C1GALT1: variants seen among roughly 807,000 people sequenced by gnomAD.
The protein encoded by C1GALT1 is glycoprotein-N-acetylgalactosamine 3-beta-galactosyltransferase 1.
Under a neutral mutation model 31.0 loss-of-function variants are expected in C1GALT1, and 11 were observed. That is an observed-to-expected ratio of 0.36 (90% CI 0.22 to 0.59). The LOEUF is 0.59. Among genes scored for constraint, C1GALT1 ranks in the 20% least tolerant of loss-of-function variants. The pLI is 0.79. For synonymous variants in C1GALT1, 175 were observed against 143.6 expected (o/e 1.22, Z -1.56); for missense variants, 424 against 425.2 (o/e 1.00, Z 0.03).
intron 1 of C1GALT1, among the ~76,000 whole-genome samples, chr7:7,190,921 C>A (rs573506216): frequency 6.6e-6 from 1 of 151,940 alleles, no homozygotes; most frequent in Non-Finnish European, 1.5e-5. Context: ...CAGGTTAATT[C>A]GGAGGAAATC....
chr7:7,168,309 A>C (rs1193449243), intron 2 of C1GALT1, among the ~76,000 whole-genome samples: 1 of 152,216 alleles, frequency 6.6e-6, no homozygotes, highest in East Asian at 1.9e-4. Context: ...AGGAGACAAC[A>C]CTTCAGAAGC....
chr7:7,160,719 G>A (rs1174796596), intron 2 of C1GALT1, among the ~76,000 whole-genome samples: 7 of 152,042 alleles, frequency 4.6e-5, no homozygotes, highest in Admixed American at 6.6e-5. Context: ...AATAGAGGGC[G>A]TGTGTCGAAG....
intron 3 of C1GALT1, among the ~76,000 whole-genome samples, chr7:7,239,883 A>G (rs1022438524): frequency 1.3e-5 from 2 of 152,182 alleles, no homozygotes; most frequent in African/African-American, 4.8e-5. Flanking sequence ...AGATTTATCA[A>G]TGTTAATTAC....
chr7:7,180,519 T>G (rs1420699368), upstream of C1GALT1, among the ~76,000 whole-genome samples: 1 of 151,686 alleles, frequency 6.6e-6, no homozygotes, highest in African/African-American at 2.4e-5. Context: ...TGACTGTTGT[T>G]CACTGTGCAG....
At chr7:7,201,306 G>T (rs930449326) in intron 1 of C1GALT1, among the ~76,000 whole-genome samples, 5 of 152,218 alleles carry the variant, frequency 3.3e-5, no homozygotes, top group Non-Finnish European at 5.9e-5. Flanking sequence ...ACCAGCGGAG[G>T]CTGCAGAACA....
chr7:7,175,768 C>G (rs919367108), intron 2 of C1GALT1, among the ~76,000 whole-genome samples: 1 of 152,002 alleles, frequency 6.6e-6, no homozygotes, highest in Non-Finnish European at 1.5e-5. Flanking sequence ...CTAGCAAGTC[C>G]AAGATCCACA....
intron 2 of C1GALT1, among the ~76,000 whole-genome samples, chr7:7,175,435 C>A (rs1442816770): frequency 6.6e-6 from 1 of 152,226 alleles, no homozygotes; most frequent in Admixed American, 6.5e-5. Flanking sequence ...TGGGCATGTG[C>A]ATGGCTTTCT....
rs765446136 is a variant in C1GALT1, at chr7:7,238,974, G to A, written c.888+52G>A. ...TCAATACTTGGACTGACTGAATTTT[G>A]TTGATAAAAACATGTTAATATGTGT... is the stretch of plus-strand genomic sequence containing the variant. On this transcript the variant is annotated intron_variant, in intron 3 of 3. Transcript: ENST00000436587. The surrounding 1 kb of genome is among the most constrained non-coding windows in gnomAD (Gnocchi z 5.2). 27 of 1,432,296 alleles carry A rather than the reference G, an allele frequency of 1.9e-5. No individual in the cohort carries two copies. In the East Asian group the frequency reaches 3.7e-4, roughly 19 times the overall value. The allele number at this position is 1,432,296 out of a possible 1,614,324, so 88.7% of individuals were successfully genotyped here.
At chr7:7,226,687 TA>T (rs552808649) in intron 1 of C1GALT1, among the ~76,000 whole-genome samples, 2 of 151,880 alleles carry the variant, frequency 1.3e-5, no homozygotes, top group African/African-American at 2.4e-5. Flanking sequence ...TTAGCGCCAT[TA>T]AAAAAAACTG....
intron 1 of C1GALT1, among the ~76,000 whole-genome samples, chr7:7,226,433 C>G (rs753289878): frequency 6.6e-6 from 1 of 151,908 alleles, no homozygotes; most frequent in Non-Finnish European, 1.5e-5. Flanking sequence ...TCCCGAAAGC[C>G]TGAAAGGAAG....
At chr7:7,218,708 A>G (rs6960962) in intron 1 of C1GALT1, among the ~76,000 whole-genome samples, 45,070 of 152,078 alleles carry the variant, frequency 0.3, 7,488 homozygotes, top group African/African-American at 0.45. Flanking sequence ...GCTAGTGACT[A>G]TATCTTTGGC....
intron 1 of C1GALT1, among the ~76,000 whole-genome samples, chr7:7,227,965 A>C (rs924254016): frequency 3.3e-5 from 5 of 152,214 alleles, no homozygotes; most frequent in Non-Finnish European, 7.3e-5. Flanking sequence ...ATACCAGAAA[A>C]TGGACTAAGA....
intron 1 of C1GALT1, among the ~76,000 whole-genome samples, chr7:7,230,748 C>T (rs1393279778): frequency 6.9e-6 from 1 of 144,642 alleles, no homozygotes; most frequent in African/African-American, 2.5e-5. Flanking sequence ...CATCCTTGGT[C>T]TTTTAAAGGC....
At chr7:7,196,688 A>G (rs1391591983) in intron 1 of C1GALT1, among the ~76,000 whole-genome samples, 1 of 152,182 alleles carries the variant, frequency 6.6e-6, no homozygotes, top group East Asian at 1.9e-4. Flanking sequence ...CAACAGTGTA[A>G]AAGCGTTCCT....
chr7:7,228,579 T>C (rs1047481274), intron 1 of C1GALT1, among the ~76,000 whole-genome samples: 1 of 151,890 alleles, frequency 6.6e-6, no homozygotes, highest in Non-Finnish European at 1.5e-5. Flanking sequence ...TCTACCCCCA[T>C]GAGATGGCTA....
At chr7:7,170,183 T>C (rs1458694441) in intron 2 of C1GALT1, among the ~76,000 whole-genome samples, 2 of 152,230 alleles carry the variant, frequency 1.3e-5, no homozygotes, top group African/African-American at 4.8e-5. Flanking sequence ...CTTTTTTCTT[T>C]TGTCAGTTTA....
At chr7:7,183,178 C>G (rs1029440113) in intron 1 of C1GALT1, among the ~76,000 whole-genome samples, 1 of 152,084 alleles carries the variant, frequency 6.6e-6, no homozygotes, top group East Asian at 2.0e-4. Context: ...GCGCCCGGAC[C>G]GGACCACTTA....
chr7:7,236,062 T>TC (rs1351293932), intron 2 of C1GALT1, among the ~76,000 whole-genome samples: 5 of 152,238 alleles, frequency 3.3e-5, no homozygotes, highest in Non-Finnish European at 7.3e-5. Flanking sequence ...TAGGTCCCTA[T>TC]CTACTGCTCT....
At chr7:7,210,130 C>A (rs112380590) in intron 1 of C1GALT1, among the ~76,000 whole-genome samples, 3 of 152,182 alleles carry the variant, frequency 2.0e-5, no homozygotes, top group Non-Finnish European at 4.4e-5. Context: ...GATGGCTTAG[C>A]TTGGGCTCAG....
Sources: gnomAD v4.1 joint callset for allele counts (sites outside exome capture counted in the v4.1 genomes callset) on GRCh38, gnomAD v4.1.1 for gene constraint, Gnocchi (gnomAD v3.1) non-coding constraint, MANE v1.5 for transcripts, NCBI Gene and HGNC (gene_info 2026-07-23, HGNC 2026-07-21) for gene names.